The following SLC2A9 variants were observed in gnomAD, a reference collection of about 807,000 sequenced individuals.
SLC2A9 encodes solute carrier family 2, facilitated glucose transporter member 9.
SLC2A9 carries 39 observed loss-of-function variants against 50.6 expected under a neutral mutation model. The observed-to-expected ratio is 0.77, with a 90% CI of 0.60 to 1.01. SLC2A9 has a LOEUF of 1.01. Among genes scored for constraint, SLC2A9 ranks in the 50% least tolerant of loss-of-function variants. The pLI, the probability that SLC2A9 is intolerant of heterozygous loss-of-function variation, is 0.00. For synonymous variants in SLC2A9, 324 were observed against 276.9 expected (o/e 1.17, Z -1.69); for missense variants, 686 against 677.6 (o/e 1.01, Z -0.14).
At chr4:10,031,786 T>C (rs1362929622) in intron 1 of SLC2A9, among the ~76,000 whole-genome samples, 1 of 152,216 alleles carries the variant, frequency 6.6e-6, no homozygotes, top group African/African-American at 2.4e-5. Context: ...GGATGTCCCA[T>C]GTCCTGAGAC....
At chr4:9,878,572 A>G (rs1435114507) in intron 10 of SLC2A9, among the ~76,000 whole-genome samples, 2 of 151,962 alleles carry the variant, frequency 1.3e-5, no homozygotes, top group Non-Finnish European at 2.9e-5. Context: ...GCACCCCCAT[A>G]CCTTCTGTAT....
intron 10 of SLC2A9, among the ~76,000 whole-genome samples, chr4:9,872,389 CT>C (rs1733585363): frequency 6.6e-6 from 1 of 152,176 alleles, no homozygotes; most frequent in Non-Finnish European, 1.5e-5. Context: ...AAAGCAAAGA[CT>C]GGTAAATGCA....
At chr4:9,812,511 T>G (rs902811895) in intron 3 of SLC2A9, among the ~76,000 whole-genome samples, 1 of 151,168 alleles carries the variant, frequency 6.6e-6, no homozygotes, top group African/African-American at 2.4e-5. Flanking sequence ...TTTTTTTTCC[T>G]CATGGTTTGA....
chr4:9,836,146 G>A lies in SLC2A9; in HGVS notation c.1292-1138C>T, dbSNP rs1255810550. 2.7e-5 allele frequency among the ~76,000 whole-genome samples: 4 copies of A among 149,124 alleles called. No homozygotes were observed. In the South Asian group the frequency reaches 6.4e-4, roughly 24 times the overall value. The stretch of plus-strand genomic sequence containing the variant: ...ATGATACAACAGACTTTGGGAACTC[G>A]GGGGAAAGGGTGGGAGGGGGGTGAG... On this transcript the variant is annotated intron_variant, in intron 10 of 11. Transcript: ENST00000264784.
intron 8 of SLC2A9, among the ~76,000 whole-genome samples, chr4:9,897,617 G>A (rs764496199): frequency 1.3e-5 from 2 of 152,018 alleles, no homozygotes; most frequent in Non-Finnish European, 2.9e-5. Flanking sequence ...AGACAGACAC[G>A]CACACAGGCC....
chr4:9,806,598 C>G lies in SLC2A9; in HGVS notation n.421-7357G>C, dbSNP rs190183850. ...CTGGGTTAGGGTCTCCACGACTGAG[C>G]TGGTCTCAGCATTTGGCTCCACTCA... On this transcript the variant is annotated intron_variant and non_coding_transcript_variant, in intron 3 of 3. Coordinates refer to the SLC2A9 transcript ENST00000503280. 3.9e-5 allele frequency among the ~76,000 whole-genome samples: 6 copies of G among 152,230 alleles called. No individual in the cohort carries two copies. In the East Asian group the frequency reaches 7.8e-4, roughly 20 times the overall value.
At chr4:9,953,659 G>A (rs930928857) in intron 5 of SLC2A9, among the ~76,000 whole-genome samples, 1 of 152,192 alleles carries the variant, frequency 6.6e-6, no homozygotes, top group Admixed American at 6.5e-5. Flanking sequence ...GTCTCACTCT[G>A]TTACCCAGGC....
chr4:10,000,543 T>A (rs918763502), intron 2 of SLC2A9, among the ~76,000 whole-genome samples: 4 of 152,206 alleles, frequency 2.6e-5, no homozygotes, highest in African/African-American at 9.7e-5. Flanking sequence ...CTGCTTTCCA[T>A]AATTTTGACC....
chr4:9,802,322 A>T (rs188650940), intron 3 of SLC2A9, among the ~76,000 whole-genome samples: 3 of 151,846 alleles, frequency 2.0e-5, no homozygotes, highest in Admixed American at 2.0e-4. Context: ...ATTTCAAAGA[A>T]GTAGTGACCT....
intron 3 of SLC2A9, among the ~76,000 whole-genome samples, chr4:9,800,722 A>G (rs1302184235): frequency 1.3e-5 from 2 of 152,224 alleles, no homozygotes; most frequent in Admixed American, 6.5e-5. Flanking sequence ...TATAACAACT[A>G]TTTACACATA....
At chr4:9,798,647 C>G (rs1000913738), downstream of SLC2A9, 1 of 152,146 alleles carries the variant, frequency 6.6e-6, no homozygotes, top group Non-Finnish European at 1.5e-5. Flanking sequence ...TCCTTAGAGA[C>G]ACAGAATCCA....
chr4:10,017,514 C>G (rs3796829), intron 2 of SLC2A9, among the ~76,000 whole-genome samples: 67,025 of 152,196 alleles, frequency 0.44, 16,383 homozygotes, highest in South Asian at 0.59. Flanking sequence ...CAGAAATGAA[C>G]AATGTCAAAT....
downstream of SLC2A9, among the ~76,000 whole-genome samples, chr4:9,795,611 T>C (rs891741368): frequency 6.6e-6 from 1 of 152,230 alleles, no homozygotes; most frequent in African/African-American, 2.4e-5. Flanking sequence ...CTGGAAAGCA[T>C]TTTTGTGATG....
At chr4:9,964,709 G>C (rs574332865) in intron 5 of SLC2A9, among the ~76,000 whole-genome samples, 1 of 152,260 alleles carries the variant, frequency 6.6e-6, no homozygotes, top group African/African-American at 2.4e-5. Flanking sequence ...AAGTCAAAAA[G>C]TTCACAGAAA....
Position 9,815,514 on chromosome 4 carries a change from AC to A in SLC2A9, n.420+10905del, listed in dbSNP as rs11284908. Among the ~76,000 whole-genome samples, 1,438 of 152,322 alleles carry A rather than the reference AC, an allele frequency of 9.4e-3. 31 individuals carry two copies. Among genetic ancestry groups the A allele is most frequent in the African/African-American group, 0.032 (1,351 of 41,580 alleles). ...AGAAGCTCTGCTCCATGAAGTCCAG[AC>A]CCAAGATCCTTAAAGTTCCCTGGCC... On this transcript the variant is annotated intron_variant and non_coding_transcript_variant, in intron 3 of 3. Coordinates refer to the SLC2A9 transcript ENST00000503280.
intron 8 of SLC2A9, among the ~76,000 whole-genome samples, chr4:9,893,333 C>T (rs1377502338): frequency 2.6e-5 from 4 of 151,796 alleles, no homozygotes; most frequent in South Asian, 2.1e-4. Context: ...ACAGGTGTGG[C>T]GTAAGTGTTT....
intron 3 of SLC2A9, chr4:9,783,646 T>C: frequency 3.2e-6 from 2 of 631,426 alleles, no homozygotes; most frequent in East Asian, 5.6e-5. Flanking sequence ...CAGAAGCAGT[T>C]GCAATAAACT....
chr4:9,938,417 G>A (rs140409294), intron 6 of SLC2A9, among the ~76,000 whole-genome samples: 4,620 of 151,898 alleles, frequency 0.03, 253 homozygotes, highest in African/African-American at 0.11. Context: ...GACTACAGGC[G>A]CCTGCCAACA....
chr4:9,801,031 G>A (rs568694181), intron 3 of SLC2A9, among the ~76,000 whole-genome samples: 2 of 152,140 alleles, frequency 1.3e-5, no homozygotes, highest in Non-Finnish European at 2.9e-5. Context: ...AGTGTGGAAG[G>A]CACTTGCAGA....
Sources: allele counts gnomAD v4.1 joint callset (sites outside exome capture counted in the v4.1 genomes callset), GRCh38; gene constraint gnomAD v4.1.1; transcripts MANE v1.5; gene names NCBI Gene and HGNC (gene_info 2026-07-23, HGNC 2026-07-21).